The following KCNH8 variants were observed in gnomAD, a reference collection of about 807,000 sequenced individuals.
KCNH8 encodes the protein potassium voltage-gated channel subfamily H member 8.
KCNH8 carries 70 observed loss-of-function variants against 103.6 expected under a neutral mutation model. The observed-to-expected ratio is 0.68, with a 90% confidence interval of 0.56 to 0.82. The LOEUF is 0.82. Ranked by LOEUF, KCNH8 falls within the 40% of genes least tolerant of loss-of-function variation. KCNH8 has a pLI of 0.00. For missense variants in KCNH8, 1,217 were observed against 1,329.9 expected, an observed-to-expected ratio of 0.92 and a Z score of 1.32; for synonymous variants, 498 against 489.4, an observed-to-expected ratio of 1.02 and a Z score of -0.23.
intron 1 of KCNH8, among the ~76,000 whole-genome samples, chr3:19,240,165 G>A (rs2064119674): frequency 6.6e-6 from 1 of 151,988 alleles, no homozygotes; most frequent in African/African-American, 2.4e-5. Flanking sequence ...AGGCTCATTT[G>A]ATGGTTTCTC....
intron 14 of KCNH8, among the ~76,000 whole-genome samples, chr3:19,516,577 T>C (rs1312238516): frequency 6.6e-6 from 1 of 152,104 alleles, no homozygotes; most frequent in Non-Finnish European, 1.5e-5. Flanking sequence ...TGTTTACCTT[T>C]TTGGTTCAAC....
intron 11 of KCNH8, among the ~76,000 whole-genome samples, chr3:19,459,270 TG>T (rs774620761): frequency 2.0e-5 from 3 of 151,958 alleles, no homozygotes; most frequent in Non-Finnish European, 4.4e-5. Flanking sequence ...TCTTTGTTGT[TG>T]TTTTTTTTAA....
intron 5 of KCNH8, among the ~76,000 whole-genome samples, chr3:19,361,389 C>T (rs974254322): frequency 8.5e-5 from 13 of 152,140 alleles, no homozygotes; most frequent in African/African-American, 3.1e-4. Flanking sequence ...CAGAACATCT[C>T]ACGTCCTTGC....
At chr3:19,179,976 T>C (rs893228732) in intron 1 of KCNH8, among the ~76,000 whole-genome samples, 2 of 152,146 alleles carry the variant, frequency 1.3e-5, no homozygotes, top group African/African-American at 4.8e-5. Context: ...GATGCTTTTA[T>C]ACATGGCCAG....
At chr3:19,260,791 G>T (rs2064423964) in intron 2 of KCNH8, among the ~76,000 whole-genome samples, 1 of 147,630 alleles carries the variant, frequency 6.8e-6, no homozygotes, top group African/African-American at 2.5e-5. Flanking sequence ...CCACTGTTTT[G>T]TTCTTTGTCT....
At chr3:19,197,168 A>G (rs1445289169) in intron 1 of KCNH8, among the ~76,000 whole-genome samples, 1 of 151,952 alleles carries the variant, frequency 6.6e-6, no homozygotes, top group Non-Finnish European at 1.5e-5. Flanking sequence ...CCTTCCCCTC[A>G]GTGACTTCCA....
In KCNH8 at chr3:19,533,572, C is replaced by A; in HGVS notation, c.2797C>A (p.Pro933Thr). The change falls in exon 16 of 16, where the codon CCT becomes ACT. Residue 933 changes from proline (P) to threonine (T), a missense_variant. Pro to Thr is a conservative substitution (Grantham distance 38). This residue lies in a region of KCNH8 where 558 missense variants were observed against 495.8 expected (regional missense o/e 1.13). Transcript: ENST00000328405. ...CAGAACGAGCTGGAGTGCACACCAG[C>A]CTTGCCTACACTTGCAAACAGGCGG... Reference protein sequence around the residue: ...QTRTSWSAHQPCLHLQTGGAA... With the variant: ...QTRTSWSAHQTCLHLQTGGAA... The A allele has an allele frequency of 6.2e-7, 1 of 1,614,200 alleles. No individual in the cohort carries two copies. The highest frequency in any genetic ancestry group is 8.5e-7 in the Non-Finnish European group (1 of 1,180,036).
intron 9 of KCNH8, 89 bp from the exon 10 acceptor site, chr3:19,451,066 G>A (rs141058502): frequency 7.0e-6 from 9 of 1,280,872 alleles, no homozygotes; most frequent in Non-Finnish European, 4.5e-6. Context: ...GCAGGAGACA[G>A]TAGGAAGAGC....
intron 1 of KCNH8, among the ~76,000 whole-genome samples, chr3:19,182,287 C>T (rs1243395094): frequency 2.0e-5 from 3 of 151,718 alleles, no homozygotes; most frequent in South Asian, 2.1e-4. Flanking sequence ...CCAGCACTTT[C>T]GGAGGCCGAC....
At chr3:19,281,101 A>G (rs1230295105) in intron 2 of KCNH8, 97 bp from the exon 3 acceptor site, 24 of 1,332,468 alleles carry the variant, frequency 1.8e-5, no homozygotes, top group Non-Finnish European at 2.4e-5. Flanking sequence ...GATTGAAGAA[A>G]ACACTAAGGG....
intron 7 of KCNH8, among the ~76,000 whole-genome samples, chr3:19,417,542 T>A (rs2066882560): frequency 6.6e-6 from 1 of 152,018 alleles, no homozygotes; most frequent in Non-Finnish European, 1.5e-5. Flanking sequence ...TTTCCCTTTA[T>A]GTGGGAAAAT....
At chr3:19,288,991 C>A (rs1453286664) in intron 3 of KCNH8, among the ~76,000 whole-genome samples, 3 of 152,158 alleles carry the variant, frequency 2.0e-5, no homozygotes, top group Non-Finnish European at 4.4e-5. Context: ...TGATGATGAG[C>A]ATTTTTTCAC....
intron 5 of KCNH8, among the ~76,000 whole-genome samples, chr3:19,367,044 C>G (rs987193692): frequency 1.3e-5 from 2 of 151,890 alleles, no homozygotes; most frequent in Non-Finnish European, 2.9e-5. Flanking sequence ...CTCCTTATTT[C>G]TATCCTTTTC....
chr3:19,278,030 T>C (rs780920814), intron 2 of KCNH8, among the ~76,000 whole-genome samples: 22 of 152,124 alleles, frequency 1.4e-4, no homozygotes, highest in Admixed American at 2.6e-4. Context: ...CCTGAATTGC[T>C]CTTGACTGAA....
At chr3:19,323,479 A>G (rs2065379231) in intron 3 of KCNH8, among the ~76,000 whole-genome samples, 1 of 151,988 alleles carries the variant, frequency 6.6e-6, no homozygotes, top group Non-Finnish European at 1.5e-5. Context: ...AAATAAAATA[A>G]TTGTCTTCTG....
At chr3:19,352,758 C>T (rs957538783) in intron 5 of KCNH8, among the ~76,000 whole-genome samples, 3 of 152,108 alleles carry the variant, frequency 2.0e-5, no homozygotes, top group Non-Finnish European at 2.9e-5. Flanking sequence ...ATTTATAGCA[C>T]TAAATGCCCA....
chr3:19,523,283 T>C (rs2069005340), intron 15 of KCNH8, among the ~76,000 whole-genome samples: 2 of 151,982 alleles, frequency 1.3e-5, no homozygotes. Context: ...TGCACTATTA[T>C]CCTAAGGCTT....
At chr3:19,337,079 A>G (rs770237760) in intron 3 of KCNH8, among the ~76,000 whole-genome samples, 43 of 152,064 alleles carry the variant, frequency 2.8e-4, no homozygotes, top group Admixed American at 1.5e-3. Context: ...TCACAGCTCA[A>G]TGATCTATTA....
chr3:19,280,904 C>T (rs1022336759), intron 2 of KCNH8, among the ~76,000 whole-genome samples: 4 of 151,996 alleles, frequency 2.6e-5, no homozygotes, highest in Admixed American at 2.0e-4. Context: ...TCAGCATCAA[C>T]GAGTTCAAAG....
Sources: allele counts gnomAD v4.1 joint callset (sites outside exome capture counted in the v4.1 genomes callset), GRCh38; gene constraint gnomAD v4.1.1; regional missense constraint gnomAD v4.1.1; transcripts MANE v1.5; gene names NCBI Gene and HGNC (gene_info 2026-07-23, HGNC 2026-07-21).